CNTNAP2: variants seen among roughly 807,000 people sequenced by gnomAD.
CNTNAP2 encodes contactin-associated protein-like 2.
Under a neutral mutation model 155.2 loss-of-function variants are expected in CNTNAP2, and 98 were observed. The observed-to-expected ratio is 0.63, with a 90% CI of 0.54 to 0.75. CNTNAP2 has a LOEUF of 0.75. Among genes scored for constraint, CNTNAP2 ranks in the 30% least tolerant of loss-of-function variants. CNTNAP2 has a pLI of 0.00. For synonymous variants in CNTNAP2, 651 were observed against 631.2 expected, an observed-to-expected ratio of 1.03 and a Z score of -0.47; for missense variants, 1,727 against 1,688.1, an observed-to-expected ratio of 1.02 and a Z score of -0.40.
intron 21 of CNTNAP2, among the ~76,000 whole-genome samples, chr7:148,287,782 T>A (rs1797108007): frequency 8.4e-6 from 1 of 118,472 alleles, no homozygotes; most frequent in Admixed American, 1.1e-4. Context: ...CCTCTTTCTT[T>A]CTTTCTTTTT....
chr7:148,117,751 G>A (rs192547223), intron 15 of CNTNAP2, among the ~76,000 whole-genome samples: 48 of 151,792 alleles, frequency 3.2e-4, no homozygotes, highest in Middle Eastern at 6.8e-3. Context: ...GGACTCCTTG[G>A]TAGGAACCCC....
At chr7:147,670,088 T>C (rs191064586) in intron 13 of CNTNAP2, among the ~76,000 whole-genome samples, 22 of 152,338 alleles carry the variant, frequency 1.4e-4, no homozygotes, top group African/African-American at 4.1e-4. Flanking sequence ...CTGACTAAAG[T>C]GAAAATGTCA....
At chr7:147,320,561 C>A (rs78749731) in intron 9 of CNTNAP2, among the ~76,000 whole-genome samples, 14,820 of 152,196 alleles carry the variant, frequency 0.097, 797 homozygotes, top group Non-Finnish European at 0.12. Flanking sequence ...TCAAATCCAT[C>A]TCTGATGATG....
chr7:147,083,522 TTATATATATATATACATATATATATATG>T (rs1344278727), intron 4 of CNTNAP2, among the ~76,000 whole-genome samples: 10 of 117,864 alleles, frequency 8.5e-5, no homozygotes, highest in Non-Finnish European at 1.3e-4. Context: ...AAACATCATT[TTATATATATATATACATATATATATATG>T]TATATATATA....
intron 15 of CNTNAP2, among the ~76,000 whole-genome samples, chr7:147,982,293 C>G (rs576458908): frequency 2.2e-5 from 2 of 91,374 alleles, no homozygotes; most frequent in Admixed American, 2.8e-4. Flanking sequence ...TTGTCAGAAC[C>G]ATAGGAAAGG....
intron 21 of CNTNAP2, among the ~76,000 whole-genome samples, chr7:148,367,002 G>A (rs1798795342): frequency 6.6e-6 from 1 of 152,212 alleles, no homozygotes. Context: ...GGAGGCCCAG[G>A]AAGGCGGATC....
intron 15 of CNTNAP2, among the ~76,000 whole-genome samples, chr7:148,001,225 A>C (rs925079681): frequency 4.6e-5 from 7 of 152,214 alleles, no homozygotes; most frequent in Non-Finnish European, 5.9e-5. Flanking sequence ...ACATCTACCT[A>C]GTTCAAAAGA....
chr7:147,939,785 TTC>T (rs142659389), intron 14 of CNTNAP2, among the ~76,000 whole-genome samples: 18 of 149,492 alleles, frequency 1.2e-4, no homozygotes, highest in East Asian at 2.0e-4. Flanking sequence ...CAATCTCTCT[TTC>T]TCTCTCTCTC....
At chr7:146,765,264 A>G (rs567379105) in intron 1 of CNTNAP2, among the ~76,000 whole-genome samples, 1 of 152,318 alleles carries the variant, frequency 6.6e-6, no homozygotes, top group African/African-American at 2.4e-5. Context: ...GGGGTTCCAA[A>G]TTACAAGTCA....
chr7:146,213,204 A>C (rs960689211), intron 1 of CNTNAP2, among the ~76,000 whole-genome samples: 12 of 152,194 alleles, frequency 7.9e-5, no homozygotes, highest in Admixed American at 2.0e-4. Flanking sequence ...GTGAAATTTC[A>C]ATACATGTCC....
At chr7:147,184,740 G>A (rs934515176) in intron 8 of CNTNAP2, among the ~76,000 whole-genome samples, 1 of 152,104 alleles carries the variant, frequency 6.6e-6, no homozygotes, top group Non-Finnish European at 1.5e-5. Context: ...GAAGAAAGAA[G>A]GGGATGGGAG....
chr7:147,486,196 A>T (rs1798508305), intron 11 of CNTNAP2, among the ~76,000 whole-genome samples, 155 bp downstream of exon 11: 2 of 149,418 alleles, frequency 1.3e-5, no homozygotes, highest in South Asian at 2.1e-4. Context: ...CAAAAAAAAA[A>T]AAATAAAATA....
intron 9 of CNTNAP2, among the ~76,000 whole-genome samples, chr7:147,326,126 G>A (rs542489282): frequency 1.2e-4 from 18 of 152,216 alleles, no homozygotes; most frequent in South Asian, 4.1e-4. Flanking sequence ...GGGTTTCACC[G>A]TGTTAGCCAG....
chr7:147,497,481 A>G (rs76192095), intron 11 of CNTNAP2, among the ~76,000 whole-genome samples: 1,840 of 152,314 alleles, frequency 0.012, 36 homozygotes, highest in African/African-American at 0.042. Flanking sequence ...TTTCTTGCCA[A>G]GTCATGTGAT....
intron 2 of CNTNAP2, among the ~76,000 whole-genome samples, chr7:146,802,322 A>G (rs776609450): frequency 1.3e-5 from 2 of 151,730 alleles, no homozygotes; most frequent in Non-Finnish European, 2.9e-5. Context: ...GCAATGGAAA[A>G]CCCCCCTTAC....
intron 15 of CNTNAP2, among the ~76,000 whole-genome samples, chr7:147,995,138 GT>G (rs1380703891): frequency 6.6e-6 from 1 of 152,082 alleles, no homozygotes; most frequent in Non-Finnish European, 1.5e-5. Flanking sequence ...AGCACCCAAG[GT>G]TTTATTGGGT....
intron 1 of CNTNAP2, among the ~76,000 whole-genome samples, chr7:146,337,769 G>C (rs1801303447): frequency 6.6e-6 from 1 of 152,074 alleles, no homozygotes. Flanking sequence ...ACCACACCCA[G>C]CCTATGATTA....
intron 8 of CNTNAP2, among the ~76,000 whole-genome samples, chr7:147,189,484 A>G (rs1802634653): frequency 6.6e-6 from 1 of 152,190 alleles, no homozygotes; most frequent in Non-Finnish European, 1.5e-5. Flanking sequence ...AGAAAGTATC[A>G]GGAAACATAA....
intron 1 of CNTNAP2, among the ~76,000 whole-genome samples, chr7:146,433,704 G>A (rs527514952): frequency 1.3e-4 from 20 of 152,230 alleles, no homozygotes; most frequent in Non-Finnish European, 2.8e-4. Flanking sequence ...CCCTCATCAC[G>A]CTGTGTTGTG....
Sources: allele counts gnomAD v4.1 joint callset (sites outside exome capture counted in the v4.1 genomes callset), GRCh38; gene constraint gnomAD v4.1.1; transcripts MANE v1.5; gene names NCBI Gene and HGNC (gene_info 2026-07-23, HGNC 2026-07-21).